Variants in HPSE2 observed in about 807,000 individuals in gnomAD.
HPSE2 encodes heparanase 2 (inactive).
Under a neutral mutation model 60.5 loss-of-function variants are expected in HPSE2, and 38 were observed. The ratio of observed to expected loss-of-function variants is 0.63; its 90% confidence interval spans 0.48 to 0.82. The LOEUF (loss-of-function observed/expected upper bound fraction) is 0.82. HPSE2 is among the 40% of genes least tolerant of loss of function. The pLI is 0.00. For missense variants in HPSE2, 713 were observed against 740.4 expected, an observed-to-expected ratio of 0.96 and a Z score of 0.43; for synonymous variants, 295 against 293.2, an observed-to-expected ratio of 1.01 and a Z score of -0.06.
Position 99,030,022 on chromosome 10 carries a change from G to A in HPSE2, c.610+114216C>T, listed in dbSNP as rs185184059. Reference sequence around the variant, plus strand: ...AGGAGCCCTTCTGGTGGCCCTGTCTGGGCATAACAGAAGGCTCGCACTCTT... The same window carrying A: ...AGGAGCCCTTCTGGTGGCCCTGTCTAGGCATAACAGAAGGCTCGCACTCTT... On this transcript the variant is annotated intron_variant, in intron 3 of 11. Coordinates refer to ENST00000370552, the MANE Select transcript of HPSE2 (RefSeq NM_021828.5). 2.0e-5 allele frequency among the ~76,000 whole-genome samples: 3 copies of A among 152,306 alleles called. No homozygotes were observed. In the East Asian group the frequency reaches 5.8e-4, roughly 29 times the overall value.
At chr10:98,550,474 T>A (rs1943828372) in intron 9 of HPSE2, among the ~76,000 whole-genome samples, 5 of 83,724 alleles carry the variant, frequency 6.0e-5, no homozygotes, top group African/African-American at 1.8e-4. Flanking sequence ...TTTCTTAAAT[T>A]TTTTTTTTTT....
chr10:99,279,954 C>G, the HPSE2 span, among the ~76,000 whole-genome samples: 1 of 152,194 alleles, frequency 6.6e-6, no homozygotes, highest in Non-Finnish European at 1.5e-5. Context: ...GACCCAGAGG[C>G]CTTCTCAGCA....
chr10:99,103,186 T>G (rs1589660894), intron 3 of HPSE2, among the ~76,000 whole-genome samples: 1 of 152,122 alleles, frequency 6.6e-6, no homozygotes, highest in South Asian at 2.1e-4. Context: ...AAAGAGGAAG[T>G]CAAATTGTCC....
chr10:99,299,498 G>C, the HPSE2 span, among the ~76,000 whole-genome samples: 1 of 152,210 alleles, frequency 6.6e-6, no homozygotes, highest in Admixed American at 6.5e-5. Context: ...CTTTAACTTG[G>C]CATGGCATGC....
intron 3 of HPSE2, among the ~76,000 whole-genome samples, chr10:98,884,051 A>G (rs182139678): frequency 8.5e-4 from 129 of 152,258 alleles, no homozygotes; most frequent in African/African-American, 2.9e-3. Flanking sequence ...GTTATAAGAA[A>G]GCTCAACAAC....
At chr10:98,834,094 C>T (rs757124430) in intron 3 of HPSE2, among the ~76,000 whole-genome samples, 1 of 151,896 alleles carries the variant, frequency 6.6e-6, no homozygotes, top group African/African-American at 2.4e-5. Context: ...ACAATAACAC[C>T]CAACTGATTG....
intron 3 of HPSE2, among the ~76,000 whole-genome samples, chr10:98,923,371 T>A (rs1954341227): frequency 6.6e-6 from 1 of 152,184 alleles, no homozygotes; most frequent in African/African-American, 2.4e-5. Context: ...CTTGGGGTAG[T>A]CTTCTTTAGG....
the HPSE2 span, among the ~76,000 whole-genome samples, chr10:99,250,379 C>A: frequency 2.0e-5 from 3 of 152,062 alleles, no homozygotes; most frequent in African/African-American, 7.2e-5. Flanking sequence ...AATAAATAGA[C>A]CTACAAAAAG....
chr10:98,478,845 C>CTAGAGA (rs1299740815), intron 11 of HPSE2, among the ~76,000 whole-genome samples: 1 of 152,150 alleles, frequency 6.6e-6, no homozygotes, highest in Non-Finnish European at 1.5e-5. Context: ...GTCCTATGGG[C>CTAGAGA]TAGAGAGCAC....
At chr10:99,098,797 G>A (rs547237753) in intron 3 of HPSE2, among the ~76,000 whole-genome samples, 12 of 152,164 alleles carry the variant, frequency 7.9e-5, no homozygotes, top group South Asian at 2.1e-4. Context: ...ATTTACATAC[G>A]ATGTTAATAA....
the HPSE2 span, among the ~76,000 whole-genome samples, chr10:99,278,771 C>T: frequency 2.6e-5 from 4 of 152,140 alleles, no homozygotes; most frequent in African/African-American, 9.7e-5. Flanking sequence ...TTCTAATTTA[C>T]TATTAAAATA....
At chr10:98,612,245 T>C (rs1028208434) in intron 9 of HPSE2, among the ~76,000 whole-genome samples, 2 of 152,206 alleles carry the variant, frequency 1.3e-5, no homozygotes, top group African/African-American at 4.8e-5. Flanking sequence ...TCAAAGAGGC[T>C]ACCATAAGAA....
chr10:98,564,201 C>T (rs553954967), intron 9 of HPSE2, among the ~76,000 whole-genome samples: 1 of 152,282 alleles, frequency 6.6e-6, no homozygotes, highest in South Asian at 2.1e-4. Flanking sequence ...GAAAGTGTTA[C>T]CTCTTTCCCA....
intron 4 of HPSE2, among the ~76,000 whole-genome samples, chr10:98,737,948 CT>C (rs1949400601): frequency 6.6e-6 from 1 of 152,190 alleles, no homozygotes; most frequent in African/African-American, 2.4e-5. Context: ...CTACCATTGA[CT>C]TTCTTCACAG....
At chr10:98,618,641 G>A (rs1332809119) in intron 8 of HPSE2, among the ~76,000 whole-genome samples, 2 of 152,080 alleles carry the variant, frequency 1.3e-5, no homozygotes, top group African/African-American at 2.4e-5. Flanking sequence ...CTGGAATGCG[G>A]TCTCAGCTCA....
intron 3 of HPSE2, among the ~76,000 whole-genome samples, chr10:99,101,774 G>A (rs911505290): frequency 2.0e-5 from 3 of 152,084 alleles, no homozygotes; most frequent in African/African-American, 7.2e-5. Context: ...CAGAAATTAT[G>A]ACAAACTCTC....
intron 3 of HPSE2, among the ~76,000 whole-genome samples, chr10:99,142,963 C>T (rs999338162): frequency 3.9e-5 from 6 of 152,018 alleles, no homozygotes; most frequent in Non-Finnish European, 5.9e-5. Flanking sequence ...CACACACGCA[C>T]GTATTTATAC....
At chr10:98,763,225 C>T (rs1418821192) in intron 3 of HPSE2, among the ~76,000 whole-genome samples, 3 of 151,562 alleles carry the variant, frequency 2.0e-5, no homozygotes, top group Admixed American at 2.0e-4. Flanking sequence ...AGACTCATGT[C>T]ATTGGCATCC....
chr10:98,545,438 T>C (rs1943635379), intron 9 of HPSE2, among the ~76,000 whole-genome samples: 1 of 152,072 alleles, frequency 6.6e-6, no homozygotes, highest in Non-Finnish European at 1.5e-5. Context: ...CAGCAGCACA[T>C]CAAAAAGCTT....
Sources: gnomAD v4.1 joint callset for allele counts (sites outside exome capture counted in the v4.1 genomes callset) on GRCh38, gnomAD v4.1.1 for gene constraint, MANE v1.5 for transcripts, NCBI Gene and HGNC (gene_info 2026-07-23, HGNC 2026-07-21) for gene names.